GNE: variants seen among roughly 807,000 people sequenced by gnomAD.
GNE encodes the protein bifunctional UDP-N-acetylglucosamine 2-epimerase/N-acetylmannosamine kinase.
In GNE, 41 loss-of-function variants were observed where a neutral mutation model predicts 61.8. That is an observed-to-expected ratio of 0.66 (90% CI 0.52 to 0.86). GNE has a LOEUF of 0.86. Ranked by LOEUF, GNE falls within the 40% of genes least tolerant of loss-of-function variation. GNE has a pLI of 0.00. For synonymous variants in GNE, 264 were observed against 326.4 expected, an observed-to-expected ratio of 0.81 and a Z score of 2.06; for missense variants, 608 against 909.1, an observed-to-expected ratio of 0.67 and a Z score of 4.26.
chr9:36,231,066 T>TAAAAAAAAAA (rs529903965), intron 5 of GNE, among the ~76,000 whole-genome samples: 5 of 68,316 alleles, frequency 7.3e-5, no homozygotes, highest in East Asian at 4.0e-4. Context: ...ACTGCTTCAC[T>TAAAAAAAAAA]AAAAAAAAAA....
At chr9:36,219,202 C>T (rs976116011) in intron 10 of GNE, among the ~76,000 whole-genome samples, 22 of 152,240 alleles carry the variant, frequency 1.4e-4, no homozygotes, top group African/African-American at 5.1e-4. Context: ...TTACCTCTCT[C>T]ATAGGGGGCA....
chr9:36,246,146 G>A lies in GNE; in HGVS notation c.501C>T (p.His167=), dbSNP rs1554663342. The change falls in exon 3 of 12, where the codon CAC becomes CAT. Residue 167 remains histidine (H), a synonymous_variant. Coordinates refer to ENST00000642385, the MANE Select transcript of GNE (RefSeq NM_005476.7). ...CATGGTCCTCACACATGGATATCAG[G>A]TGCTGCTCTGCACTGCGGGTGCAGC... ...HVCCTRSAEQ[H]LISMCEDHDR... The A allele has an allele frequency of 6.2e-7, 1 of 1,614,180 alleles. No individual in the cohort carries two copies. Among genetic ancestry groups the A allele is most frequent in the Non-Finnish European group, 8.5e-7 (1 of 1,179,990 alleles).
chr9:36,272,954 G>T (rs898772849), intron 1 of GNE, among the ~76,000 whole-genome samples: 1 of 149,840 alleles, frequency 6.7e-6, no homozygotes, highest in African/African-American at 2.4e-5. Flanking sequence ...GCATGGTGGC[G>T]TGCGCCTGTA....
rs539214631 is a variant in GNE, at chr9:36,275,841, T to C, written c.51+1053A>G. ...GTGATACAGCTAGGAGTAAACTGTG[T>C]TGGCAATAATTGCAGGAATAATATC... On this transcript the variant is annotated intron_variant, in intron 1 of 11. Transcript: ENST00000396594. Among the ~76,000 whole-genome samples the C allele has an allele frequency of 2.8e-4, 42 of 152,320 alleles. No individual in the cohort carries two copies. The South Asian group carries it at 3.1e-3, about 11-fold the overall frequency.
intron 1 of GNE, among the ~76,000 whole-genome samples, chr9:36,253,212 TACAC>T (rs1406953304): frequency 6.6e-6 from 1 of 151,884 alleles, no homozygotes; most frequent in East Asian, 1.9e-4. Context: ...TGTGTATACA[TACAC>T]ACATACACAA....
At chr9:36,234,515 A>C (rs1288770871) in intron 4 of GNE, among the ~76,000 whole-genome samples, 1 of 152,150 alleles carries the variant, frequency 6.6e-6, no homozygotes, top group East Asian at 1.9e-4. Context: ...CAAGCTGATG[A>C]GAGAGCCTCT....
At position 36,264,469 on chromosome 9, in the gene GNE, T is replaced by C. The variant is rs564692990; in HGVS notation, c.51+12425A>G. Among the ~76,000 whole-genome samples the C allele has an allele frequency of 3.0e-4, 45 of 152,192 alleles. 3 individuals are homozygous for C. The South Asian group carries it at 3.9e-3, about 13-fold the overall frequency. On this transcript the variant is annotated intron_variant, in intron 1 of 11. Transcript: ENST00000396594. ...TTTTTAAAAAAGATGCCCTGTTCCT[T>C]GCATTCAGAAGATACTAACAGTAAA... is the stretch of plus-strand genomic sequence containing the variant.
intron 1 of GNE, among the ~76,000 whole-genome samples, chr9:36,264,598 G>A (rs1447714243): frequency 6.6e-6 from 1 of 152,130 alleles, no homozygotes; most frequent in African/African-American, 2.4e-5. Context: ...TGGGGCTAGA[G>A]TTTACTGGAA....
At chr9:36,223,575 T>C (rs753559954) in intron 7 of GNE, 73 bp from the exon 8 acceptor site, 67 of 1,491,922 alleles carry the variant, frequency 4.5e-5, no homozygotes, top group Non-Finnish European at 6.2e-5. Context: ...TGTGATCTTT[T>C]TCATGACAAA....
chr9:36,276,883 G>T, intron 1 of GNE: 2 of 1,596,150 alleles, frequency 1.3e-6, no homozygotes, highest in East Asian at 2.3e-5. Flanking sequence ...ATTGAATTCC[G>T]AATTACTTAC....
chr9:36,256,028 G>C (rs547428469), intron 1 of GNE, among the ~76,000 whole-genome samples: 13 of 151,996 alleles, frequency 8.6e-5, no homozygotes, highest in African/African-American at 3.1e-4. Flanking sequence ...AGGTTGAAGC[G>C]ATTCTCCTGC....
At chr9:36,244,697 G>A (rs1177262716) in intron 3 of GNE, among the ~76,000 whole-genome samples, 3 of 151,868 alleles carry the variant, frequency 2.0e-5, no homozygotes, top group African/African-American at 4.8e-5. Flanking sequence ...CAGCACTTTG[G>A]GAGGCCGAGG....
At chr9:36,239,904 AT>A (rs1806359371) in intron 3 of GNE, among the ~76,000 whole-genome samples, 1 of 150,208 alleles carries the variant, frequency 6.7e-6, no homozygotes, top group African/African-American at 2.4e-5. Flanking sequence ...ATTTTATTTT[AT>A]TTTAATTTAA....
chr9:36,223,501 C>T lies in GNE; in HGVS notation c.1283G>A (p.Gly428Asp). The stretch of plus-strand genomic sequence containing the variant: ...CTGAGTATACTTCTTAACTATTTCA[C>T]CCTAAAAGAGAAAACAACAAGTTCC... Reference protein sequence around the residue: ...NLRVAIVSMKGEIVKKYTQFN... With the variant: ...NLRVAIVSMKDEIVKKYTQFN... Residue 428 changes from glycine (G) to aspartate (D), a missense_variant and splice_region_variant, in exon 8 of 12, where the codon GGT becomes GAT. Gly to Asp is a moderately conservative substitution (Grantham distance 94). Coordinates refer to ENST00000642385, the MANE Select transcript of GNE (RefSeq NM_005476.7). The T allele has an allele frequency of 6.2e-7, 1 of 1,609,558 alleles. No individual in the cohort carries two copies.
At chr9:36,261,067 A>G (rs554145003), upstream of GNE, among the ~76,000 whole-genome samples, 1 of 152,062 alleles carries the variant, frequency 6.6e-6, no homozygotes, top group East Asian at 1.9e-4. Flanking sequence ...TCCTTGGCAC[A>G]TGGCACCTCT....
At chr9:36,251,940 A>C (rs1830119395) in intron 1 of GNE, among the ~76,000 whole-genome samples, 1 of 151,580 alleles carries the variant, frequency 6.6e-6, no homozygotes, top group Non-Finnish European at 1.5e-5. Context: ...CGAAACGGGC[A>C]TTCCACCAAG....
chr9:36,263,710 A>G (rs1471737420), intron 1 of GNE, among the ~76,000 whole-genome samples: 6 of 152,236 alleles, frequency 3.9e-5, no homozygotes, highest in African/African-American at 1.2e-4. Context: ...TTGAAGTGTT[A>G]ATAAATACCT....
intron 2 of GNE, 133 bp from the exon 3 acceptor site, chr9:36,246,615 A>C: frequency 1.5e-6 from 1 of 648,306 alleles, no homozygotes; most frequent in Non-Finnish European, 2.7e-6. Flanking sequence ...TAACTTACAA[A>C]CATAAAAAGC....
intron 1 of GNE, among the ~76,000 whole-genome samples, chr9:36,276,737 T>C (rs1490076528): frequency 1.3e-5 from 2 of 152,208 alleles, no homozygotes; most frequent in Non-Finnish European, 2.9e-5. Context: ...ACAGAATGAC[T>C]AAACTGAGTT....
Sources: allele counts gnomAD v4.1 joint callset (sites outside exome capture counted in the v4.1 genomes callset), GRCh38; gene constraint gnomAD v4.1.1; transcripts MANE v1.5; gene names NCBI Gene and HGNC (gene_info 2026-07-23, HGNC 2026-07-21).